RFT1: variants seen among roughly 807,000 people sequenced by gnomAD.
RFT1 encodes RFT1 glycolipid translocator homolog.
A neutral mutation model predicts 62.2 loss-of-function variants in RFT1; 43 were observed. The ratio of observed to expected loss-of-function variants is 0.69; its 90% CI spans 0.54 to 0.89. The LOEUF is 0.89. RFT1 is among the 40% of genes least tolerant of loss of function. The probability of loss-of-function intolerance (pLI) is 0.00; values close to 1 mark genes in which losing one functional copy is unlikely to be tolerated. For missense variants in RFT1, 605 were observed against 649.9 expected (o/e 0.93, Z 0.75); for synonymous variants, 262 against 264.6 (o/e 0.99, Z 0.10).
chr3:53,076,300 G>A, the RFT1 span, among the ~76,000 whole-genome samples: 4 of 152,198 alleles, frequency 2.6e-5, no homozygotes, highest in Non-Finnish European at 4.4e-5. Context: ...AGGGGCAAAC[G>A]GATAGGTTGG....
In RFT1 at chr3:53,099,483, G is replaced by A; in HGVS notation, c.1106C>T (p.Pro369Leu). The part of the protein sequence containing the change: ...GGTMLSSGSG[P>L]VLLRSYCLYV... ...GAGACAGTAGGAACGCAGCAAAACA[G>A]GACCTACAAGGAAACAACTCACTGA... The change falls in exon 11 of 13, where the codon CCT (proline) becomes CTT (leucine). Residue 369 changes from proline to leucine, a missense_variant. Physicochemically the swap from Pro to Leu is moderately conservative, Grantham distance 98 (BLOSUM62 -3). Transcript: ENST00000296292. The A allele has an allele frequency of 6.2e-7, 1 of 1,613,490 alleles. No homozygotes were observed. The highest frequency in any genetic ancestry group is 1.1e-5 in the South Asian group (1 of 91,052).
chr3:53,091,714 C>T lies in RFT1; in HGVS notation c.*189G>A. 1.6e-6 allele frequency: 1 copy of T among 614,828 alleles called. No individual in the cohort carries two copies. The highest frequency in any genetic ancestry group is 2.9e-6 in the Non-Finnish European group (1 of 339,878). The allele number at this position is 614,828 out of a possible 1,614,324, so 38.1% of individuals were successfully genotyped here. A position where few individuals can be genotyped will look rare whatever the true frequency, so the allele number is the denominator to read the frequency against. On this transcript the variant is annotated 3_prime_UTR_variant, in exon 13 of 13. Transcript: ENST00000296292. ...TTGGTCTTCACTTAAAAATGAAACT[C>T]CCCCCCCGCATTTCAGACTTCGAAT... is the stretch of plus-strand genomic sequence containing the variant.
chr3:53,108,766 T>C (rs908811781), intron 7 of RFT1, among the ~76,000 whole-genome samples: 1 of 151,656 alleles, frequency 6.6e-6, no homozygotes, highest in Non-Finnish European at 1.5e-5. Context: ...AATGGTGCTA[T>C]CTGGGCTCAC....
intron 11 of RFT1, among the ~76,000 whole-genome samples, chr3:53,098,311 G>A (rs1473979627): frequency 6.6e-6 from 1 of 152,116 alleles, no homozygotes; most frequent in Non-Finnish European, 1.5e-5. Context: ...TCTGGACTGA[G>A]ACCTGCTGGT....
chr3:53,108,219 T>G (rs1701544705), intron 7 of RFT1, among the ~76,000 whole-genome samples: 1 of 151,542 alleles, frequency 6.6e-6, no homozygotes, highest in Non-Finnish European at 1.5e-5. Flanking sequence ...CAGCACTTTT[T>G]TTTTTTTGTA....
Position 53,125,984 on chromosome 3 carries a change from C to T in RFT1, c.74G>A (p.Arg25Gln), listed in dbSNP as rs780107020. Residue 25 changes from arginine (R) to glutamine (Q), a missense_variant, in exon 2 of 13, where the codon CGG becomes CAG. Transcript: ENST00000296292. Reference sequence around the variant, plus strand: ...TGCATTCAAGACAAAGGTGATCAACCGAAACAACACCTATAGAAAAAGAGG... The same window carrying T: ...TGCATTCAAGACAAAGGTGATCAACTGAAACAACACCTATAGAAAAAGAGG... Reference protein sequence around the residue: ...SSGLLLQVLFRLITFVLNAFI... With the variant: ...SSGLLLQVLFQLITFVLNAFI... 2.4e-5 allele frequency: 39 copies of T among 1,612,522 alleles called. No individual in the cohort carries two copies. Among genetic ancestry groups the T allele is most frequent in the African/African-American group, 6.7e-5 (5 of 74,832 alleles).
intron 10 of RFT1, chr3:53,103,643 A>G: frequency 2.5e-6 from 1 of 393,106 alleles, no homozygotes; most frequent in South Asian, 2.2e-5. Flanking sequence ...CTCACCCCAG[A>G]GGGAGCACAG....
chr3:53,113,870 C>T (rs13433700), intron 6 of RFT1, among the ~76,000 whole-genome samples: 39,921 of 151,972 alleles, frequency 0.26, 5,641 homozygotes, highest in Middle Eastern at 0.4. Flanking sequence ...ACTTCTAGCC[C>T]CCATTCTCTT....
In RFT1 at chr3:53,130,352, C is replaced by T. The variant is rs754000899; in HGVS notation, c.49G>A (p.Gly17Ser). The T allele has an allele frequency of 3.2e-6, 5 of 1,568,776 alleles. No individual in the cohort carries two copies. Among genetic ancestry groups the T allele is most frequent in the Non-Finnish European group, 3.5e-6 (4 of 1,157,416 alleles). The change falls in exon 1 of 13, where the codon GGT (glycine) becomes AGT (serine). Residue 17 changes from glycine (G) to serine (S), a missense_variant. Physicochemically the swap from Gly to Ser is moderately conservative, Grantham distance 56. Coordinates refer to ENST00000296292, the MANE Select transcript of RFT1 (RefSeq NM_052859.4). ...GCAGAGAGTACCTGCAGGAGGAGAC[C>T]GGAGGAGGCCAGCCGGGCCGCGTGG... ...LGHAARLASS[G>S]LLLQVLFRLI...
At chr3:53,086,774 C>A (rs1211769668), downstream of RFT1, among the ~76,000 whole-genome samples, 1 of 152,166 alleles carries the variant, frequency 6.6e-6, no homozygotes, top group Non-Finnish European at 1.5e-5. Context: ...AGAACTCTTC[C>A]TTAGGGCCAC....
intron 11 of RFT1, among the ~76,000 whole-genome samples, chr3:53,096,798 G>A (rs1357180344): frequency 6.6e-6 from 1 of 152,164 alleles, no homozygotes; most frequent in Non-Finnish European, 1.5e-5. Context: ...AGGCTGGAGT[G>A]CAATGGCATG....
chr3:53,129,041 A>G (rs28501212), intron 1 of RFT1, among the ~76,000 whole-genome samples: 2 of 152,072 alleles, frequency 1.3e-5, no homozygotes, highest in African/African-American at 4.8e-5. Context: ...GAGTAGTAAG[A>G]TATTATCAAA....
chr3:53,130,239 G>A, intron 1 of RFT1, 99 bp downstream of exon 1: 1 of 1,232,150 alleles, frequency 8.1e-7, no homozygotes, highest in Non-Finnish European at 1.2e-6. Context: ...TCCACCTCGG[G>A]ACTGGGTCGG....
At chr3:53,098,283 C>T (rs888416961) in intron 11 of RFT1, among the ~76,000 whole-genome samples, 8 of 152,210 alleles carry the variant, frequency 5.3e-5, no homozygotes, top group Non-Finnish European at 1.2e-4. Context: ...CCAGAAATTC[C>T]TAGATGAATC....
At chr3:53,086,635 CCATT>C (rs992939734), downstream of RFT1, among the ~76,000 whole-genome samples, 5 of 152,062 alleles carry the variant, frequency 3.3e-5, no homozygotes, top group Non-Finnish European at 7.4e-5. Flanking sequence ...TTTTTCTAGT[CCATT>C]GTGTTTCATT....
rs1701391890 is a variant in RFT1, at chr3:53,104,010, C to T, written c.1045G>A (p.Ala349Thr). 6.2e-7 allele frequency: 1 copy of T among 1,614,064 alleles called. No homozygotes were observed. The highest frequency in any genetic ancestry group is 1.1e-5 in the South Asian group (1 of 91,088). ...AGLTITVFGFAYSQLALDIYG... is the reference protein window; with the variant it reads ...AGLTITVFGFTYSQLALDIYG... ...ATATCCAGAGCCAGCTGAGAATAGG[C>T]AAAGCCAAAAACAGTGATGGTCAGG... Residue 349 changes from alanine to threonine, a missense_variant, in exon 10 of 13, where the codon GCC (alanine) becomes ACC (threonine). Ala to Thr is a moderately conservative substitution (Grantham distance 58, BLOSUM62 0). Transcript: ENST00000296292.
intron 6 of RFT1, among the ~76,000 whole-genome samples, chr3:53,112,415 G>A (rs1276626644): frequency 1.3e-5 from 2 of 152,200 alleles, no homozygotes; most frequent in Non-Finnish European, 2.9e-5. Flanking sequence ...TATGACAGAG[G>A]AACGGAGAAA....
At chr3:53,099,863 T>G (rs980011106) in intron 10 of RFT1, among the ~76,000 whole-genome samples, 77 of 152,230 alleles carry the variant, frequency 5.1e-4, no homozygotes, top group African/African-American at 1.8e-3. Flanking sequence ...TGGGCATGCC[T>G]GTAGTCCCAG....
At chr3:53,105,613 T>A in intron 9 of RFT1, 60 bp downstream of exon 9, 1 of 1,575,656 alleles carries the variant, frequency 6.3e-7, no homozygotes, top group Non-Finnish European at 8.7e-7. Flanking sequence ...TTCACACTCC[T>A]GTCTGTCTTG....
Sources: gnomAD v4.1 joint callset for allele counts (sites outside exome capture counted in the v4.1 genomes callset) on GRCh38, gnomAD v4.1.1 for gene constraint, MANE v1.5 for transcripts, NCBI Gene and HGNC (gene_info 2026-07-23, HGNC 2026-07-21) for gene names.